Variants in CANX observed in about 807,000 individuals in gnomAD.
The protein encoded by CANX is epididymis secretory sperm binding protein.
CANX carries 14 observed loss-of-function variants against 75.7 expected under a neutral mutation model. The ratio of observed to expected loss-of-function variants is 0.19; its 90% CI spans 0.12 to 0.29. CANX has a LOEUF of 0.29. CANX is among the 10% of genes least tolerant of loss of function. The pLI is 1.00. For missense variants in CANX, 567 were observed against 713.2 expected (o/e 0.79, Z 2.34); for synonymous variants, 227 against 236.9 (o/e 0.96, Z 0.38).
chr5:179,730,655 A>G lies in CANX; in HGVS notation c.*2011A>G, dbSNP rs1778937311. On this transcript the variant is annotated 3_prime_UTR_variant, in exon 15 of 15. Coordinates refer to ENST00000247461, the MANE Select transcript of CANX (RefSeq NM_001746.4). The stretch of plus-strand genomic sequence containing the variant: ...TTTAGTAAAGTTTGTTGAAAACAAA[A>G]ACGCCTTTTCTTGGTTCTTTTTTCA... 6.6e-6 allele frequency: 1 copy of G among 152,260 alleles called. No individual in the cohort carries two copies. Among genetic ancestry groups the G allele is most frequent in the Non-Finnish European group, 1.5e-5 (1 of 68,052 alleles). 9.4% of individuals were successfully genotyped at this position (152,260 alleles called of 1,614,324 possible).
At chr5:179,694,774 GTGTT>G (rs989687452), upstream of CANX, 23 of 510,114 alleles carry the variant, frequency 4.5e-5, no homozygotes, top group African/African-American at 4.7e-4. Context: ...AATAAACAAA[GTGTT>G]TATCTGTCAA....
chr5:179,698,604 G>T (rs1213151339), upstream of CANX: 1 of 1,288,364 alleles, frequency 7.8e-7, no homozygotes, highest in Non-Finnish European at 1.0e-6. Flanking sequence ...AACCAGACGG[G>T]TGAGGGCTAC....
intron 6 of CANX, 31 bp downstream of exon 6, chr5:179,709,090 G>T: frequency 8.0e-7 from 1 of 1,251,144 alleles, no homozygotes; most frequent in Non-Finnish European, 1.2e-6. Flanking sequence ...GAATGTGGCT[G>T]GACACCCACT....
chr5:179,692,889 G>A (rs150968486), intron 1 of CANX, among the ~76,000 whole-genome samples: 78 of 152,258 alleles, frequency 5.1e-4, no homozygotes, highest in African/African-American at 1.8e-3. Flanking sequence ...GCTCACGCCT[G>A]TAATCCCAGC....
chr5:179,691,405 G>A (rs1167627808), intron 1 of CANX, among the ~76,000 whole-genome samples: 2 of 152,084 alleles, frequency 1.3e-5, no homozygotes, highest in African/African-American at 4.8e-5. Flanking sequence ...GGCAGACCAA[G>A]CTGAGTAAAA....
intron 1 of CANX, among the ~76,000 whole-genome samples, chr5:179,687,971 G>A (rs1281870462): frequency 1.3e-5 from 2 of 151,764 alleles, no homozygotes; most frequent in East Asian, 2.0e-4. Flanking sequence ...GGAGGTGGAC[G>A]TTGCAGTGAG....
intron 7 of CANX, among the ~76,000 whole-genome samples, chr5:179,715,417 A>G (rs1777872809): frequency 6.6e-6 from 1 of 152,124 alleles, no homozygotes. Context: ...GGCCGTCTGT[A>G]GTTCCAGCTA....
chr5:179,680,763 G>A, intron 1 of CANX: 2 of 772,812 alleles, frequency 2.6e-6, no homozygotes, highest in Non-Finnish European at 4.2e-6. Flanking sequence ...TCTGCCCATG[G>A]GCAGTGAGAA....
At chr5:179,682,900 G>T (rs1406687008) in intron 1 of CANX, among the ~76,000 whole-genome samples, 1 of 152,112 alleles carries the variant, frequency 6.6e-6, no homozygotes, top group Non-Finnish European at 1.5e-5. Flanking sequence ...AGACCTGGGG[G>T]TAGAGGAGGG....
At chr5:179,698,654 C>A, upstream of CANX, 1 of 1,193,340 alleles carries the variant, frequency 8.4e-7, no homozygotes, top group Non-Finnish European at 1.1e-6. Context: ...ACCACAGCAA[C>A]CGACGCGGGA....
intron 11 of CANX, 71 bp from the exon 12 acceptor site, chr5:179,723,589 C>A: frequency 6.4e-7 from 1 of 1,552,432 alleles, no homozygotes; most frequent in South Asian, 1.2e-5. Context: ...AACTGAACTG[C>A]AGAAAAACAG....
At chr5:179,716,823 C>T (rs1777987207) in intron 8 of CANX, among the ~76,000 whole-genome samples, 1 of 152,016 alleles carries the variant, frequency 6.6e-6, no homozygotes, top group South Asian at 2.1e-4. Context: ...GACCAGAGCA[C>T]CAGGTGTACC....
At chr5:179,686,354 T>C (rs1776191179) in intron 1 of CANX, among the ~76,000 whole-genome samples, 1 of 151,958 alleles carries the variant, frequency 6.6e-6, no homozygotes, top group African/African-American at 2.4e-5. Flanking sequence ...TGCCTCGGCC[T>C]CCCAAAGTGC....
intron 1 of CANX, among the ~76,000 whole-genome samples, chr5:179,690,558 A>T (rs1464572586): frequency 7.3e-6 from 1 of 136,254 alleles, no homozygotes; most frequent in Non-Finnish European, 1.6e-5. Context: ...CCTGGGGGAC[A>T]AGAGTGAGAC....
intron 7 of CANX, among the ~76,000 whole-genome samples, chr5:179,712,133 T>C (rs1581867228): frequency 2.0e-5 from 3 of 150,888 alleles, no homozygotes; most frequent in South Asian, 2.1e-4. Context: ...TTTTTTTTTT[T>C]CTACAAAGAG....
rs1425677546 is a variant in CANX, at chr5:179,731,263, T to A, written c.*2619T>A. On this transcript the variant is annotated 3_prime_UTR_variant, in exon 15 of 15. Coordinates refer to ENST00000247461, the MANE Select transcript of CANX (RefSeq NM_001746.4). ...GAACCATTGAACTTTGAAATTTTTA[T>A]TAGAAAATTATTTGTTCAGAATCAG... 3.9e-5 allele frequency among the ~76,000 whole-genome samples: 6 copies of A among 152,346 alleles called. No homozygotes were observed. The highest frequency in any genetic ancestry group is 1.4e-4 in the African/African-American group (6 of 41,588).
At chr5:179,680,839 A>C (rs1422305299) in intron 1 of CANX, 3 of 1,512,466 alleles carry the variant, frequency 2.0e-6, no homozygotes, top group Non-Finnish European at 1.8e-6. Flanking sequence ...CTTATCCCTC[A>C]CATATAGGTG....
intron 10 of CANX, 28 bp from the exon 11 acceptor site, chr5:179,722,776 T>C: frequency 6.6e-7 from 1 of 1,504,858 alleles, no homozygotes; most frequent in African/African-American, 1.4e-5. Flanking sequence ...TTATCTGAAA[T>C]GATTTTCTGA....
At chr5:179,711,466 C>CTGAG (rs905931846) in intron 7 of CANX, among the ~76,000 whole-genome samples, 4 of 151,776 alleles carry the variant, frequency 2.6e-5, no homozygotes, top group Non-Finnish European at 1.5e-5. Flanking sequence ...TCCACAGGAA[C>CTGAG]TGAGGTTCGA....
Sources: gnomAD v4.1 joint callset for allele counts (sites outside exome capture counted in the v4.1 genomes callset) on GRCh38, gnomAD v4.1.1 for gene constraint, MANE v1.5 for transcripts, NCBI Gene and HGNC (gene_info 2026-07-23, HGNC 2026-07-21) for gene names.